NOTCH1: variants seen among roughly 807,000 people sequenced by gnomAD.
NOTCH1 encodes the protein notch receptor 1.
Under a neutral mutation model 254.8 loss-of-function variants are expected in NOTCH1, and 37 were observed. The ratio of observed to expected loss-of-function variants is 0.15; its 90% CI spans 0.11 to 0.19. The LOEUF (loss-of-function observed/expected upper bound fraction) is 0.19. NOTCH1 is among the 10% of genes least tolerant of loss of function. The pLI, the probability that NOTCH1 is intolerant of heterozygous loss-of-function variation, is 1.00. For missense variants in NOTCH1, 2,972 were observed against 3,708.6 expected (o/e 0.80, Z 5.16); for synonymous variants, 1,731 against 1,618.1 (o/e 1.07, Z -1.68).
intron 19 of NOTCH1, 94 bp downstream of exon 19, chr9:136,508,776 C>A (rs951509664): frequency 8.7e-6 from 11 of 1,263,324 alleles, no homozygotes; most frequent in African/African-American, 1.9e-5. Context: ...CCCGAGCCGA[C>A]ACAGTGGGAC....
Position 136,522,870 on chromosome 9 carries a change from T to G in NOTCH1, c.722A>C (p.His241Pro). 6.6e-7 allele frequency: 1 copy of G among 1,513,740 alleles called. No homozygotes were observed. Among genetic ancestry groups the G allele is most frequent in the Non-Finnish European group, 8.8e-7 (1 of 1,130,134 alleles). 93.8% of individuals were successfully genotyped at this position (1,513,740 alleles called of 1,614,324 possible). ...ACTACCTGGCAGGCAGGCACACTCG[T>G]GGGTGACGTCGCCCGTGGGGCGGCA... ...GTCRPTGDVTHECACLPGFTG... is the reference protein window; with the variant it reads ...GTCRPTGDVTPECACLPGFTG... The change falls in exon 4 of 34, where the codon CAC (histidine) becomes CCC (proline). Residue 241 changes from histidine to proline, a missense_variant. Physicochemically the swap from His to Pro is moderately conservative, Grantham distance 77. Transcript: ENST00000651671.
chr9:136,514,603 G>A lies in NOTCH1; in HGVS notation c.2114C>T (p.Pro705Leu). 6.2e-7 allele frequency: 1 copy of A among 1,610,216 alleles called. No individual in the cohort carries two copies. Among genetic ancestry groups the A allele is most frequent in the African/African-American group, 1.3e-5 (1 of 75,034 alleles). ...GCAGGTGGGGTCGTGGTAGCCCTCG[G>A]GGCAGCGGCAGGTGAAGCCATTGAT... The part of the protein sequence containing the change: ...DGINGFTCRC[P>L]EGYHDPTCLS... The change falls in exon 13 of 34, where the codon CCC (proline) becomes CTC (leucine). Residue 705 changes from proline to leucine, a missense_variant. By Grantham distance (98) the Pro-to-Leu change is moderately conservative. This residue lies in a region of NOTCH1 where 1,343 missense variants were observed against 1,557.0 expected (regional missense o/e 0.86). Transcript: ENST00000651671.
At chr9:136,532,560 G>A (rs933220876) in intron 2 of NOTCH1, among the ~76,000 whole-genome samples, 1 of 152,176 alleles carries the variant, frequency 6.6e-6, no homozygotes, top group East Asian at 1.9e-4. Context: ...ATCCCCGGGG[G>A]AGCCGGGCGT....
rs2133344104 is a variant in NOTCH1, at chr9:136,506,918, G to A, written c.3699C>T (p.Ser1233=). ...CGTTGTTAAAGCACTTGGGGCTCCG[G>A]GACACGGGGTCAACGGGGGGATTGC... is the stretch of plus-strand genomic sequence containing the variant. ...DDCNPPVDPV[S]RSPKCFNNGT... is the part of the protein sequence containing the mutation. Residue 1233 remains serine, a synonymous_variant, in exon 23 of 34, where the codon TCC becomes TCT. Coordinates refer to ENST00000651671, the MANE Select transcript of NOTCH1 (RefSeq NM_017617.5). This position sits in a 1 kb window ranked among gnomAD's most constrained non-coding sequence, Gnocchi z 4.5. 6.2e-7 allele frequency: 1 copy of A among 1,611,680 alleles called. No homozygotes were observed. Among genetic ancestry groups the A allele is most frequent in the Non-Finnish European group, 8.5e-7 (1 of 1,179,448 alleles).
rs764082065 is a variant in NOTCH1, at chr9:136,517,748, G to A, written c.1441+4C>T. ...GTTTCCCGCCCTGGCCCCGGCCGAC[G>A]CACCGGGCATGCAGATGCACTGGAA... On this transcript the variant is annotated splice_donor_region_variant and intron_variant, in intron 8 of 33. Transcript: ENST00000651671. 1.2e-5 allele frequency: 19 copies of A among 1,612,386 alleles called. No individual in the cohort carries two copies. The Admixed American group carries it at 1.8e-4, about 16-fold the overall frequency.
chr9:136,544,743 C>T (rs565196038), intron 1 of NOTCH1, among the ~76,000 whole-genome samples: 1 of 152,130 alleles, frequency 6.6e-6, no homozygotes, highest in African/African-American at 2.4e-5. Flanking sequence ...CCGCCTCCGC[C>T]GACACCCAAT....
chr9:136,542,505 C>T (rs563548089), intron 2 of NOTCH1, among the ~76,000 whole-genome samples: 1 of 145,296 alleles, frequency 6.9e-6, no homozygotes, highest in Admixed American at 7.0e-5. Context: ...ATCAAGCGTC[C>T]GTGCGGCTTC....
rs115235667 is a variant in NOTCH1 at position 136,510,789 on chromosome 9, G to A, written c.2604C>T (p.Val868=). The A allele has an allele frequency of 1.6e-4, 260 of 1,609,634 alleles. No homozygotes were observed. In the African/African-American group the frequency reaches 2.9e-3, roughly 18 times the overall value. Residue 868 remains valine, a synonymous_variant, in exon 17 of 34, where the codon GTC becomes GTT. Coordinates refer to ENST00000651671, the MANE Select transcript of NOTCH1 (RefSeq NM_017617.5). ...PTGWQGQTCE[V]DINECVLSPC... is the part of the protein sequence containing the mutation. ...GGCTCAGAACGCACTCGTTGATGTCGACCTCACAGGTCTGCCCTGCGGGGC... is the reference window on the plus strand; with the variant it reads ...GGCTCAGAACGCACTCGTTGATGTCAACCTCACAGGTCTGCCCTGCGGGGC...
At chr9:136,509,682 G>A (rs1231562195) in intron 18 of NOTCH1, 51 bp downstream of exon 18, 2 of 1,552,490 alleles carry the variant, frequency 1.3e-6, no homozygotes, top group East Asian at 2.2e-5. Flanking sequence ...GCTACTGCGT[G>A]TGGCCCGCAC....
At chr9:136,503,409 A>T in intron 26 of NOTCH1, 79 bp from the exon 27 acceptor site, 1 of 1,598,108 alleles carries the variant, frequency 6.3e-7, no homozygotes, top group Non-Finnish European at 8.5e-7. Flanking sequence ...CTGCCGCAGG[A>T]CACTGAGGCC....
At position 136,502,035 on chromosome 9, in the gene NOTCH1, C is replaced by A. The variant is rs755659037; in HGVS notation, c.5438G>T (p.Trp1813Leu). ...GALMDDNQNE[W>L]GDEDLETKKF... ...CTTGGTCTCCAGGTCCTCGTCCCCC[C>A]ACTCATTCTGGTTGTCGTCCATGAG... Residue 1813 changes from tryptophan (W) to leucine (L), a missense_variant, in exon 29 of 34, where the codon TGG (tryptophan) becomes TTG (leucine). Trp to Leu is a moderately conservative substitution (Grantham distance 61, BLOSUM62 -2). Around this residue, in one of 8 missense-constraint regions of NOTCH1, gnomAD observed 421 missense variants for 604.4 expected, o/e 0.70. Coordinates refer to ENST00000651671, the MANE Select transcript of NOTCH1 (RefSeq NM_017617.5). 15 of 1,613,234 alleles carry A rather than the reference C, an allele frequency of 9.3e-6. No homozygotes were observed. The Admixed American group carries it at 1.3e-4, about 14-fold the overall frequency.
intron 7 of NOTCH1, 64 bp from the exon 8 acceptor site, chr9:136,518,001 A>G (rs2133369358): frequency 6.3e-7 from 1 of 1,590,242 alleles, no homozygotes; most frequent in South Asian, 1.1e-5. Flanking sequence ...ACCTCACTGC[A>G]CACCACCCCC....
At chr9:136,515,254 AC>A in intron 12 of NOTCH1, 35 bp downstream of exon 12, 1 of 1,594,178 alleles carries the variant, frequency 6.3e-7, no homozygotes, top group East Asian at 2.2e-5. Context: ...ACCTCTGAGC[AC>A]AGTGCAGTCA....
chr9:136,497,477 C>T lies in NOTCH1; in HGVS notation c.6262G>A (p.Asp2088Asn), dbSNP rs2133319284. Residue 2088 changes from aspartate to asparagine, a missense_variant, in exon 34 of 34, where the codon GAC (aspartate) becomes AAC (asparagine). By Grantham distance (23) the Asp-to-Asn change is conservative (BLOSUM62 1). Coordinates refer to ENST00000651671, the MANE Select transcript of NOTCH1 (RefSeq NM_017617.5). The part of the protein sequence containing the change: ...KVLLDHFANR[D>N]ITDHMDRLPR... Reference sequence around the variant, plus strand: ...AGGCGGTCCATATGATCCGTGATGTCCCGGTTGGCAAAGTGGTCCAGCAGC... The same window carrying T: ...AGGCGGTCCATATGATCCGTGATGTTCCGGTTGGCAAAGTGGTCCAGCAGC... 6.2e-7 allele frequency: 1 copy of T among 1,612,318 alleles called. No homozygotes were observed.
At position 136,499,274 on chromosome 9, in the gene NOTCH1, G is replaced by C. The variant is rs1467147229; in HGVS notation, c.5935-15C>G. On this transcript the variant is annotated splice_polypyrimidine_tract_variant and intron_variant, in intron 31 of 33. Coordinates refer to ENST00000651671, the MANE Select transcript of NOTCH1 (RefSeq NM_017617.5). ...CGGATCAGGATCTGGGCAACAGGGA[G>C]AGGCTCAGGCGGGTGCTGGGCAGAC... is the stretch of plus-strand genomic sequence containing the variant. 6.2e-7 allele frequency: 1 copy of C among 1,611,858 alleles called. No individual in the cohort carries two copies. The highest frequency in any genetic ancestry group is 8.5e-7 in the Non-Finnish European group (1 of 1,179,962).
At chr9:136,512,483 G>C (rs1843196870) in intron 15 of NOTCH1, among the ~76,000 whole-genome samples, 1 of 152,202 alleles carries the variant, frequency 6.6e-6, no homozygotes, top group South Asian at 2.1e-4. Context: ...GGGCTGGACA[G>C]TTGGGGGAAC....
intron 2 of NOTCH1, among the ~76,000 whole-genome samples, chr9:136,530,860 A>T (rs1843547909): frequency 6.6e-6 from 1 of 152,202 alleles, no homozygotes; most frequent in South Asian, 2.1e-4. Flanking sequence ...ACAGGCCCAC[A>T]GCAGCGCTGC....
At position 136,508,262 on chromosome 9, in the gene NOTCH1, C is replaced by G. The variant is rs1843121423; in HGVS notation, c.3295G>C (p.Val1099Leu). The G allele has an allele frequency of 1.9e-6, 3 of 1,612,588 alleles. No individual in the cohort carries two copies. The highest frequency in any genetic ancestry group is 2.5e-6 in the Non-Finnish European group (3 of 1,179,920). The change falls in exon 20 of 34, where the codon GTG (valine) becomes CTG (leucine). Residue 1099 changes from valine (V) to leucine (L), a missense_variant. By Grantham distance (32) the Val-to-Leu change is conservative (BLOSUM62 1). Coordinates refer to ENST00000651671, the MANE Select transcript of NOTCH1 (RefSeq NM_017617.5). ...CGCTGCGCAGCCACCTCACAGGACA[C>G]GCTGGGCACGTCGCAGTAAAGGCCG... is the stretch of plus-strand genomic sequence containing the variant. The part of the protein sequence containing the change: ...WTGLYCDVPS[V>L]SCEVAAQRQG...
rs2133339409 is a variant in NOTCH1 at position 136,505,504 on chromosome 9, G to C, written c.4392C>G (p.Ser1464Arg). 6 of 1,612,780 alleles carry C rather than the reference G, an allele frequency of 3.7e-6. No homozygotes were observed. The highest frequency in any genetic ancestry group is 4.2e-6 in the Non-Finnish European group (5 of 1,179,994). ...CQEDAGNKVC[S>R]LQCNNHACGW... is the part of the protein sequence containing the mutation. ...CGCACGCGTGGTTGTTGCACTGCAGGCTGCAGACCTTGTTGCCCGCGTCCT... is the reference window on the plus strand; with the variant it reads ...CGCACGCGTGGTTGTTGCACTGCAGCCTGCAGACCTTGTTGCCCGCGTCCT... The change falls in exon 25 of 34, where the codon AGC becomes AGG. Residue 1464 changes from serine to arginine, a missense_variant. By Grantham distance (110) the Ser-to-Arg change is moderately radical (BLOSUM62 -1). This residue lies in a region of NOTCH1 where 1,343 missense variants were observed against 1,557.0 expected (regional missense o/e 0.86). Coordinates refer to ENST00000651671, the MANE Select transcript of NOTCH1 (RefSeq NM_017617.5).
Sources: gnomAD v4.1 joint callset for allele counts (sites outside exome capture counted in the v4.1 genomes callset) on GRCh38, gnomAD v4.1.1 for gene constraint, gnomAD v4.1.1 regional missense constraint, Gnocchi (gnomAD v3.1) non-coding constraint, MANE v1.5 for transcripts, NCBI Gene and HGNC (gene_info 2026-07-23, HGNC 2026-07-21) for gene names.